ANKFN1: variants seen among roughly 807,000 people sequenced by gnomAD.
ANKFN1 encodes ankyrin repeat and fibronectin type III domain containing 1, also known as ankyrin repeat and fibronectin type-III domain-containing protein 1.
A neutral mutation model predicts 108.7 loss-of-function variants in ANKFN1; 74 were observed. The observed-to-expected ratio is 0.68, with a 90% CI of 0.56 to 0.83. ANKFN1 has a LOEUF of 0.83. Among genes scored for constraint, ANKFN1 ranks in the 40% least tolerant of loss-of-function variants. The pLI is 0.00. For synonymous variants in ANKFN1, 547 were observed against 516.2 expected (o/e 1.06, Z -0.81); for missense variants, 1,505 against 1,382.3 (o/e 1.09, Z -1.41).
At chr17:56,195,086 C>T (rs1403565838) in intron 1 of ANKFN1, among the ~76,000 whole-genome samples, 2 of 152,070 alleles carry the variant, frequency 1.3e-5, no homozygotes, top group African/African-American at 4.8e-5. Flanking sequence ...TTTTGCATTA[C>T]AATGAATATT....
At chr17:56,098,829 A>C (rs1449148163) in intron 4 of ANKFN1, among the ~76,000 whole-genome samples, 1 of 151,480 alleles carries the variant, frequency 6.6e-6, no homozygotes, top group Non-Finnish European at 1.5e-5. Context: ...GCCGAGAGTA[A>C]ATCTCTAGAA....
intron 8 of ANKFN1, among the ~76,000 whole-genome samples, chr17:56,391,661 C>A (rs769258973): frequency 6.6e-6 from 1 of 151,932 alleles, no homozygotes; most frequent in Non-Finnish European, 1.5e-5. Flanking sequence ...CTCCTGACCT[C>A]GTGATCCACC....
rs547283994 is a variant in ANKFN1, at chr17:56,293,047, T to C, written c.54-33174T>C. On this transcript the variant is annotated intron_variant, in intron 3 of 20. Coordinates refer to ENST00000682825, the MANE Select transcript of ANKFN1 (RefSeq NM_001370326.1). ...ATGGTCATCAATTTTATGACTTCACTTATTCATTCAGAAATTACTCATTTT... is the reference window on the plus strand; with the variant it reads ...ATGGTCATCAATTTTATGACTTCACCTATTCATTCAGAAATTACTCATTTT... Among the ~76,000 whole-genome samples, 12 of 152,360 alleles carry C rather than the reference T, an allele frequency of 7.9e-5. No homozygotes were observed. The South Asian group carries it at 1.4e-3, about 18-fold the overall frequency.
intron 4 of ANKFN1, among the ~76,000 whole-genome samples, chr17:56,141,324 A>T (rs568529055): frequency 1.2e-4 from 19 of 152,328 alleles, no homozygotes; most frequent in African/African-American, 4.3e-4. Context: ...AATATGGAAT[A>T]CCATAGGGCC....
intron 1 of ANKFN1, among the ~76,000 whole-genome samples, chr17:56,155,364 T>C (rs1598150844): frequency 6.6e-6 from 1 of 152,226 alleles, no homozygotes; most frequent in Non-Finnish European, 1.5e-5. Context: ...GGCTTCTCAC[T>C]GCTGAGAGGT....
intron 9 of ANKFN1, 112 bp downstream of exon 9, chr17:56,440,536 A>T (rs1410938547): frequency 1.4e-6 from 1 of 729,312 alleles, no homozygotes; most frequent in Non-Finnish European, 2.3e-6. Flanking sequence ...CTCTGGCAAC[A>T]ACTGCCACTC....
intron 4 of ANKFN1, among the ~76,000 whole-genome samples, chr17:56,136,222 A>G (rs1567799529): frequency 6.6e-6 from 1 of 152,098 alleles, no homozygotes; most frequent in Non-Finnish European, 1.5e-5. Flanking sequence ...ACTGCCCCCC[A>G]TGGAAATGAA....
At chr17:56,476,411 A>G (rs939364104) in intron 15 of ANKFN1, among the ~76,000 whole-genome samples, 3 of 152,254 alleles carry the variant, frequency 2.0e-5, no homozygotes, top group African/African-American at 7.2e-5. Context: ...ACAAGATTCC[A>G]TTCAAACATC....
intron 8 of ANKFN1, 51 bp downstream of exon 8, chr17:56,374,765 C>A (rs746189856): frequency 3.6e-6 from 5 of 1,406,368 alleles, no homozygotes; most frequent in Non-Finnish European, 5.0e-6. Context: ...AAAGCATCTG[C>A]TGTTTGAGAA....
Position 56,374,636 on chromosome 17 carries a change from G to A in ANKFN1, c.832G>A (p.Val278Ile). ...GATGCCAACCAATGTCTGTCTCATG[G>A]TAACCAGCAGCACATCACTCACTGT... ...PEMPTNVCLM[V>I]TSSTSLTVSF... The change falls in exon 8 of 21, where the codon GTA becomes ATA. Residue 278 changes from valine (V) to isoleucine (I), a missense_variant. Coordinates refer to ENST00000682825, the MANE Select transcript of ANKFN1 (RefSeq NM_001370326.1). The A allele has an allele frequency of 6.2e-7, 1 of 1,613,884 alleles. No homozygotes were observed. Among genetic ancestry groups the A allele is most frequent in the South Asian group, 1.1e-5 (1 of 91,064 alleles).
At chr17:56,207,558 C>T (rs1004341182) in intron 1 of ANKFN1, among the ~76,000 whole-genome samples, 9 of 152,176 alleles carry the variant, frequency 5.9e-5, no homozygotes, top group South Asian at 2.1e-4. Flanking sequence ...ATAGCCAGAA[C>T]ATTCATCTCT....
At chr17:56,177,143 G>T (rs1005672193) in intron 1 of ANKFN1, among the ~76,000 whole-genome samples, 2 of 152,118 alleles carry the variant, frequency 1.3e-5, no homozygotes, top group East Asian at 3.9e-4. Flanking sequence ...CAGCCTGACC[G>T]GCAGAGTGAA....
intron 1 of ANKFN1, among the ~76,000 whole-genome samples, chr17:56,184,034 C>T (rs949736758): frequency 4.6e-5 from 7 of 152,094 alleles, no homozygotes; most frequent in Non-Finnish European, 7.4e-5. Context: ...ATGCTGTGAA[C>T]GTTGTTGAAG....
At position 56,178,792 on chromosome 17, in the gene ANKFN1, T is replaced by C. The variant is rs141284933; in HGVS notation, c.-71+25262T>C. ...ACTTCTCAGACGTTTAATATGCTGA[T>C]GGACATCATAAAGCATTTGAAGGGT... On this transcript the variant is annotated intron_variant, in intron 1 of 20. Coordinates refer to ENST00000682825, the MANE Select transcript of ANKFN1 (RefSeq NM_001370326.1). Among the ~76,000 whole-genome samples the C allele has an allele frequency of 5.7e-3, 862 of 152,296 alleles. 7 individuals are homozygous for C. Among genetic ancestry groups the C allele is most frequent in the Non-Finnish European group, 8.5e-3 (575 of 68,020 alleles).
chr17:56,391,835 T>C (rs1017246767), intron 8 of ANKFN1, among the ~76,000 whole-genome samples: 1 of 152,200 alleles, frequency 6.6e-6, no homozygotes, highest in Non-Finnish European at 1.5e-5. Flanking sequence ...GTAAGTCTCA[T>C]GTAAGCCATA....
chr17:56,412,013 A>G (rs2048107594), intron 8 of ANKFN1, among the ~76,000 whole-genome samples: 1 of 152,180 alleles, frequency 6.6e-6, no homozygotes. Flanking sequence ...ATAAGTTCAG[A>G]AATTATTCTC....
intron 1 of ANKFN1, among the ~76,000 whole-genome samples, chr17:56,207,422 A>G (rs552173196): frequency 3.9e-5 from 6 of 152,268 alleles, no homozygotes; most frequent in South Asian, 2.1e-4. Flanking sequence ...AGATCTTCCA[A>G]CTGAAGCTCT....
intron 3 of ANKFN1, among the ~76,000 whole-genome samples, chr17:56,242,665 G>C (rs555671934): frequency 1.8e-4 from 28 of 152,010 alleles, no homozygotes; most frequent in Non-Finnish European, 3.7e-4. Context: ...CTCTGATTTT[G>C]TTGGTTTTAT....
At chr17:56,198,297 T>A (rs369987582) in intron 1 of ANKFN1, among the ~76,000 whole-genome samples, 1 of 152,222 alleles carries the variant, frequency 6.6e-6, no homozygotes, top group Admixed American at 6.5e-5. Flanking sequence ...TTACAAACCA[T>A]TGGACAGTTT....
Sources: allele counts gnomAD v4.1 joint callset (sites outside exome capture counted in the v4.1 genomes callset), GRCh38; gene constraint gnomAD v4.1.1; transcripts MANE v1.5; gene names NCBI Gene and HGNC (gene_info 2026-07-23, HGNC 2026-07-21).